The following PTPRN2 variants were observed in gnomAD, a reference collection of about 807,000 sequenced individuals.
PTPRN2 encodes the protein receptor-type tyrosine-protein phosphatase N2.
A neutral mutation model predicts 118.8 loss-of-function variants in PTPRN2; 74 were observed. That is an observed-to-expected ratio of 0.62 (90% CI 0.52 to 0.76). The LOEUF (loss-of-function observed/expected upper bound fraction) is 0.76. PTPRN2 is among the 30% of genes least tolerant of loss of function. The pLI, the probability that PTPRN2 is intolerant of heterozygous loss-of-function variation, is 0.00. For synonymous variants in PTPRN2, 641 were observed against 608.0 expected (o/e 1.05, Z -0.80); for missense variants, 1,481 against 1,394.4 (o/e 1.06, Z -0.99).
At chr7:157,694,734 A>G (rs1244801697) in intron 12 of PTPRN2, among the ~76,000 whole-genome samples, 1 of 152,164 alleles carries the variant, frequency 6.6e-6, no homozygotes, top group African/African-American at 2.4e-5. Context: ...GCTAATTTGA[A>G]GAATGAATAA....
At chr7:158,160,558 T>C (rs1453101334) in intron 6 of PTPRN2, among the ~76,000 whole-genome samples, 1 of 152,198 alleles carries the variant, frequency 6.6e-6, no homozygotes, top group African/African-American at 2.4e-5. Context: ...TACATCTGCA[T>C]TTGCGAAAGA....
At chr7:157,768,419 C>G (rs1802610598) in intron 12 of PTPRN2, among the ~76,000 whole-genome samples, 1 of 152,238 alleles carries the variant, frequency 6.6e-6, no homozygotes, top group African/African-American at 2.4e-5. Flanking sequence ...AAGCGACCCC[C>G]CTACAGTGAC....
chr7:158,228,253 A>G (rs1055181507), intron 3 of PTPRN2, among the ~76,000 whole-genome samples: 3 of 152,170 alleles, frequency 2.0e-5, no homozygotes, highest in African/African-American at 7.2e-5. Flanking sequence ...CCCACCTGGT[A>G]TCAACTAACT....
At chr7:157,873,073 G>T (rs2151266966) in intron 12 of PTPRN2, among the ~76,000 whole-genome samples, 1 of 152,340 alleles carries the variant, frequency 6.6e-6, no homozygotes. Context: ...GGCCGTGTAT[G>T]TCCCTCACCC....
intron 5 of PTPRN2, among the ~76,000 whole-genome samples, chr7:158,189,849 G>A (rs547824661): frequency 1.1e-4 from 16 of 152,318 alleles, no homozygotes; most frequent in African/African-American, 3.4e-4. Context: ...CGGGGCAGAG[G>A]AGGAGGACAA....
chr7:157,822,077 C>G (rs1337542718), intron 12 of PTPRN2, among the ~76,000 whole-genome samples: 1 of 151,912 alleles, frequency 6.6e-6, no homozygotes, highest in Admixed American at 6.6e-5. Context: ...CATCTATATA[C>G]TATCCATCAA....
intron 12 of PTPRN2, among the ~76,000 whole-genome samples, chr7:157,697,710 G>A (rs1407641972): frequency 1.0e-3 from 87 of 86,006 alleles, no homozygotes; most frequent in East Asian, 1.6e-3. Context: ...AGCCCTCACC[G>A]TCTACCCATG....
intron 1 of PTPRN2, among the ~76,000 whole-genome samples, chr7:158,532,208 T>C (rs1466845175): frequency 6.6e-6 from 1 of 152,200 alleles, no homozygotes; most frequent in African/African-American, 2.4e-5. Context: ...GTGGTGCCCA[T>C]GCCCCCAGTG....
chr7:158,536,621 A>G (rs939537929), intron 1 of PTPRN2, among the ~76,000 whole-genome samples: 3 of 149,508 alleles, frequency 2.0e-5, no homozygotes, highest in Admixed American at 1.3e-4. Context: ...CATCACCAGG[A>G]TGTGACTCAG....
At chr7:158,311,081 A>AG (rs1241082862) in intron 3 of PTPRN2, among the ~76,000 whole-genome samples, 3 of 152,172 alleles carry the variant, frequency 2.0e-5, no homozygotes, top group Non-Finnish European at 4.4e-5. Flanking sequence ...AAAACAAGAC[A>AG]GGCGAGCACA....
At chr7:157,753,264 G>A (rs1040581799) in intron 12 of PTPRN2, among the ~76,000 whole-genome samples, 7 of 152,234 alleles carry the variant, frequency 4.6e-5, no homozygotes, top group African/African-American at 1.4e-4. Context: ...GGGAGGAGAC[G>A]GTGCTGTTCC....
chr7:158,326,046 G>T (rs965357205), intron 2 of PTPRN2, among the ~76,000 whole-genome samples: 4 of 152,206 alleles, frequency 2.6e-5, no homozygotes, highest in Admixed American at 2.0e-4. Context: ...GCAGGGCTCA[G>T]GGCGCACTTT....
chr7:157,840,842 C>T (rs1326023975), intron 12 of PTPRN2, among the ~76,000 whole-genome samples: 1 of 152,242 alleles, frequency 6.6e-6, no homozygotes, highest in Non-Finnish European at 1.5e-5. Flanking sequence ...CCTCAGACCC[C>T]TCCAGGAGCC....
Position 157,792,110 on chromosome 7 carries a change from G to T in PTPRN2, c.1788+106563C>A, listed in dbSNP as rs1804544393. 3.3e-5 allele frequency among the ~76,000 whole-genome samples: 5 copies of T among 152,222 alleles called. 1 individual carries two copies. The South Asian group carries it at 1.0e-3, about 31-fold the overall frequency. ...CCTGCCTGGAACTCTCTGGCCTTATGAAGCCCCCTCCCCGTTCATGCCGCT... is the reference window on the plus strand; with the variant it reads ...CCTGCCTGGAACTCTCTGGCCTTATTAAGCCCCCTCCCCGTTCATGCCGCT... On this transcript the variant is annotated intron_variant, in intron 12 of 22. Transcript: ENST00000389418.
chr7:158,131,230 A>T (rs988181632), intron 9 of PTPRN2, among the ~76,000 whole-genome samples: 1 of 151,702 alleles, frequency 6.6e-6, no homozygotes, highest in East Asian at 1.9e-4. Flanking sequence ...ATACACACAC[A>T]CCCAACAAAC....
intron 2 of PTPRN2, among the ~76,000 whole-genome samples, chr7:158,486,178 G>A (rs777597344): frequency 2.0e-5 from 3 of 152,200 alleles, no homozygotes; most frequent in Admixed American, 1.3e-4. Context: ...GCCGGGTCAC[G>A]GGCCACCTCC....
At chr7:158,564,329 G>A (rs1674781579) in intron 1 of PTPRN2, among the ~76,000 whole-genome samples, 1 of 152,262 alleles carries the variant, frequency 6.6e-6, no homozygotes, top group Admixed American at 6.5e-5. Flanking sequence ...AAGTTTGTAA[G>A]GAAAATTCCT....
chr7:157,873,030 G>A (rs1448822063), intron 12 of PTPRN2, among the ~76,000 whole-genome samples: 1 of 152,208 alleles, frequency 6.6e-6, no homozygotes, highest in Non-Finnish European at 1.5e-5. Context: ...CATGGAAAGT[G>A]GGAACTGGCC....
chr7:157,866,901 CG>C (rs1810725282), intron 12 of PTPRN2, among the ~76,000 whole-genome samples: 2 of 123,558 alleles, frequency 1.6e-5, no homozygotes, highest in African/African-American at 6.3e-5. Context: ...GCCACCACCC[CG>C]CCCCCGACGC....
Sources: allele counts gnomAD v4.1 joint callset (sites outside exome capture counted in the v4.1 genomes callset), GRCh38; gene constraint gnomAD v4.1.1; transcripts MANE v1.5; gene names NCBI Gene and HGNC (gene_info 2026-07-23, HGNC 2026-07-21).